HSPA13: variants seen among roughly 807,000 people sequenced by gnomAD.
HSPA13 encodes heat shock protein family A (Hsp70) member 13.
A neutral mutation model predicts 38.8 loss-of-function variants in HSPA13; 29 were observed. The ratio of observed to expected loss-of-function variants is 0.75; its 90% CI spans 0.56 to 1.02. The LOEUF (loss-of-function observed/expected upper bound fraction) is 1.02. Ranked by LOEUF, HSPA13 falls within the 50% of genes least tolerant of loss-of-function variation. The pLI, the probability that HSPA13 is intolerant of heterozygous loss-of-function variation, is 0.00. For synonymous variants in HSPA13, 192 were observed against 205.3 expected (o/e 0.94, Z 0.56); for missense variants, 451 against 560.9 (o/e 0.80, Z 1.98).
chr21:14,380,262 T>G (rs138426824), intron 2 of HSPA13, among the ~76,000 whole-genome samples: 1,688 of 144,364 alleles, frequency 0.012, 31 homozygotes, highest in African/African-American at 0.04. Context: ...GACATCCAGC[T>G]CAAAAACATC....
intron 2 of HSPA13, 87 bp downstream of exon 2, chr21:14,381,116 C>T (rs955272718): frequency 3.2e-5 from 32 of 996,020 alleles, no homozygotes; most frequent in East Asian, 2.5e-4. Context: ...TAAAACTAGA[C>T]GAGATAGAAT....
chr21:14,382,855 G>A (rs1984206922), intron 1 of HSPA13, among the ~76,000 whole-genome samples: 1 of 152,090 alleles, frequency 6.6e-6, no homozygotes, highest in Non-Finnish European at 1.5e-5. Context: ...TGATGTCCCT[G>A]GGATGGACAC....
intron 1 of HSPA13, among the ~76,000 whole-genome samples, chr21:14,381,796 C>G (rs1300948824): frequency 6.6e-6 from 1 of 152,134 alleles, no homozygotes; most frequent in Non-Finnish European, 1.5e-5. Context: ...TTGTGTCATT[C>G]TCTAATAAAT....
At chr21:14,382,225 G>A (rs923066601) in intron 1 of HSPA13, among the ~76,000 whole-genome samples, 2 of 152,128 alleles carry the variant, frequency 1.3e-5, no homozygotes, top group African/African-American at 2.4e-5. Flanking sequence ...GGGCAACCCT[G>A]ACGGCAACAT....
At chr21:14,378,121 G>T in intron 3 of HSPA13, 78 bp downstream of exon 3, 1 of 1,052,650 alleles carries the variant, frequency 9.5e-7, no homozygotes, top group Non-Finnish European at 1.4e-6. Context: ...GGTTTGGGAA[G>T]TGGTAAACCT....
chr21:14,373,426 A>G lies in HSPA13; in HGVS notation c.*191T>C, dbSNP rs1010176927. ...TATTTGTTAGAATAGGATCTCTCCA[A>G]AATCAAACAGGATCAATCTGGTCAC... On this transcript the variant is annotated 3_prime_UTR_variant, in exon 5 of 5. Transcript: ENST00000285667. 5.3e-6 allele frequency: 3 copies of G among 563,562 alleles called. No homozygotes were observed. Among genetic ancestry groups the G allele is most frequent in the Non-Finnish European group, 9.4e-6 (3 of 319,508 alleles). The allele number at this position is 563,562 out of a possible 1,614,324, so 34.9% of individuals were successfully genotyped here.
In HSPA13 at chr21:14,374,065, C is replaced by A. The variant is rs551266051; in HGVS notation, c.968G>T (p.Ser323Ile). 1.2e-6 allele frequency: 2 copies of A among 1,614,094 alleles called. No homozygotes were observed. The highest frequency in any genetic ancestry group is 1.7e-6 in the Non-Finnish European group (2 of 1,180,046). Residue 323 changes from serine to isoleucine, a missense_variant, in exon 5 of 5, where the codon AGT becomes ATT. Coordinates refer to ENST00000285667, the MANE Select transcript of HSPA13 (RefSeq NM_006948.5). ...GTCTTTTGGCAGTTCAGTGTCACTA[C>A]TGTGAGGTTCCTTCCTGTCCTGCTC... ...VEEQDRKEPH[S>I]SDTELPKDKL...
rs1982826977 is a variant in HSPA13 at position 14,371,500 on chromosome 21, CTATT to C, written c.*2113_*2116del. Reference sequence around the variant, plus strand: ...TAAATAAACTAAATTGACTTCAAGACTATTTATAAATAGCCCACTAAAATATGAT... The same window carrying C: ...TAAATAAACTAAATTGACTTCAAGACTATAAATAGCCCACTAAAATATGAT... On this transcript the variant is annotated 3_prime_UTR_variant, in exon 5 of 5. Coordinates refer to ENST00000285667, the MANE Select transcript of HSPA13 (RefSeq NM_006948.5). The C allele has an allele frequency of 6.6e-6, 1 of 152,208 alleles. No individual in the cohort carries two copies. Among genetic ancestry groups the C allele is most frequent in the East Asian group, 1.9e-4 (1 of 5,188 alleles). 9.4% of individuals were successfully genotyped at this position (152,208 alleles called of 1,614,324 possible). A position where few individuals can be genotyped will look rare whatever the true frequency, so the allele number is the denominator to read the frequency against.
At chr21:14,380,160 C>T (rs1333022790) in intron 2 of HSPA13, among the ~76,000 whole-genome samples, 3 of 143,202 alleles carry the variant, frequency 2.1e-5, no homozygotes, top group Admixed American at 6.8e-5. Context: ...AATACATAAA[C>T]GTATTAAGAG....
In HSPA13 at chr21:14,381,523, G is replaced by A. The variant is rs751665814; in HGVS notation, c.46C>T (p.Leu16=). The A allele has an allele frequency of 1.9e-6, 3 of 1,596,502 alleles. No homozygotes were observed. Among genetic ancestry groups the A allele is most frequent in the East Asian group, 4.5e-5 (2 of 44,402 alleles). Residue 16 remains leucine, a synonymous_variant, in exon 2 of 5, where the codon CTG becomes TTG. Coordinates refer to ENST00000285667, the MANE Select transcript of HSPA13 (RefSeq NM_006948.5). The stretch of plus-strand genomic sequence containing the variant: ...TGTTGTGCCAAATAGCCGGCCAACA[G>A]GAGAGTCAAAACAGCCGATCCTGAA... ...TILGSAVLTL[L]LAGYLAQQYL...
chr21:14,378,541 AATCT>A, intron 2 of HSPA13, 129 bp from the exon 3 acceptor site: 1 of 628,830 alleles, frequency 1.6e-6, no homozygotes, highest in Non-Finnish European at 2.8e-6. Context: ...ATGCATTTGA[AATCT>A]ATCTAGTACA....
chr21:14,381,083 C>A, intron 2 of HSPA13, 120 bp downstream of exon 2: 1 of 745,864 alleles, frequency 1.3e-6, no homozygotes, highest in South Asian at 1.9e-5. Flanking sequence ...TGTGAGATAA[C>A]AGAACTTTCA....
At position 14,374,099 on chromosome 21, in the gene HSPA13, T is replaced by C. The variant is rs779584633; in HGVS notation, c.934A>G (p.Thr312Ala). 2 of 1,614,168 alleles carry C rather than the reference T, an allele frequency of 1.2e-6. No homozygotes were observed. Among genetic ancestry groups the C allele is most frequent in the Non-Finnish European group, 1.7e-6 (2 of 1,180,024 alleles). Residue 312 changes from threonine to alanine, a missense_variant, in exon 5 of 5, where the codon ACG becomes GCG. By Grantham distance (58) the Thr-to-Ala change is moderately conservative (BLOSUM62 0). Transcript: ENST00000285667. ...HQSAQLSVLL[T>A]VEEQDRKEPH... Reference sequence around the variant, plus strand: ...TCCTTCCTGTCCTGCTCCTCCACCGTTAGTAATACTGACAACTGAGCAGAT... The same window carrying C: ...TCCTTCCTGTCCTGCTCCTCCACCGCTAGTAATACTGACAACTGAGCAGAT...
rs749031273 is a variant in HSPA13, at chr21:14,374,285, CTGAG to C, written c.749-5_749-2del. The C allele has an allele frequency of 4.3e-5, 69 of 1,600,430 alleles. No individual in the cohort carries two copies. Among genetic ancestry groups the C allele is most frequent in the Non-Finnish European group, 5.9e-5 (69 of 1,175,634 alleles). On this transcript the variant is annotated splice_acceptor_variant and splice_polypyrimidine_tract_variant and intron_variant, in intron 4 of 4. Transcript: ENST00000285667. LOFTEE classifies it high-confidence loss of function. ...TCCTGTCCTCCAAGTTTATTGTTTC[CTGAG>C]TGAAAAATAAAAGTTTAATATAGTT...
intron 3 of HSPA13, among the ~76,000 whole-genome samples, chr21:14,376,428 A>G (rs1230856797): frequency 6.6e-6 from 1 of 152,192 alleles, no homozygotes; most frequent in Non-Finnish European, 1.5e-5. Context: ...ATAAAAAAAA[A>G]TAAAAAATTT....
chr21:14,378,471 C>CAT (rs1416991813), intron 2 of HSPA13, 59 bp from the exon 3 acceptor site: 13 of 1,031,172 alleles, frequency 1.3e-5, no homozygotes, highest in Admixed American at 2.0e-5. Context: ...TACAGACATA[C>CAT]ATATATACAT....
At chr21:14,375,147 C>T (rs964659483) in intron 4 of HSPA13, among the ~76,000 whole-genome samples, 12 of 152,160 alleles carry the variant, frequency 7.9e-5, no homozygotes, top group African/African-American at 2.9e-4. Context: ...AAGACATCTA[C>T]TTTATAAAAC....
chr21:14,378,688 C>T (rs1043935289), intron 2 of HSPA13, among the ~76,000 whole-genome samples: 8 of 151,200 alleles, frequency 5.3e-5, no homozygotes, highest in Admixed American at 2.0e-4. Context: ...GGCATGATCT[C>T]GGCTCACCAC....
At chr21:14,375,477 T>C (rs1983995198) in intron 4 of HSPA13, among the ~76,000 whole-genome samples, 175 bp downstream of exon 4, 1 of 148,800 alleles carries the variant, frequency 6.7e-6, no homozygotes, top group Non-Finnish European at 1.5e-5. Context: ...CAACTCTCCC[T>C]GCATTTTTCT....
Sources: gnomAD v4.1 joint callset for allele counts (sites outside exome capture counted in the v4.1 genomes callset) on GRCh38, gnomAD v4.1.1 for gene constraint, MANE v1.5 for transcripts, NCBI Gene and HGNC (gene_info 2026-07-23, HGNC 2026-07-21) for gene names.